Variants in TPRG1 observed in about 807,000 individuals in gnomAD.
TPRG1 encodes tumor protein p63-regulated gene 1 protein.
Under a neutral mutation model 29.3 loss-of-function variants are expected in TPRG1, and 29 were observed. That is an observed-to-expected ratio of 0.99 (90% confidence interval 0.74 to 1.35). TPRG1 has a LOEUF of 1.35. Ranked by LOEUF, TPRG1 falls within the 40% of genes most tolerant of loss-of-function variation. The pLI is 0.00. For synonymous variants in TPRG1, 130 were observed against 116.8 expected, an observed-to-expected ratio of 1.11 and a Z score of -0.73; for missense variants, 327 against 335.0, an observed-to-expected ratio of 0.98 and a Z score of 0.19.
At chr3:189,073,433 CT>C (rs1422061230) in intron 4 of TPRG1, among the ~76,000 whole-genome samples, 5 of 152,088 alleles carry the variant, frequency 3.3e-5, no homozygotes, top group Admixed American at 1.3e-4. Context: ...GTTTGTAGTT[CT>C]TTTTTTCGCC....
chr3:189,143,047 A>G (rs1409123300), intron 3 of TPRG1, among the ~76,000 whole-genome samples: 1 of 152,376 alleles, frequency 6.6e-6, no homozygotes, highest in Admixed American at 6.5e-5. Context: ...TCTTTGAACC[A>G]GTATCTTTTG....
intron 4 of TPRG1, among the ~76,000 whole-genome samples, chr3:189,035,828 T>C (rs1171911212): frequency 1.3e-5 from 2 of 152,150 alleles, no homozygotes; most frequent in African/African-American, 4.8e-5. Context: ...AGTGGGAATG[T>C]AAATTAGTGC....
At position 189,207,483 on chromosome 3, in the gene TPRG1, A is replaced by G. The variant is rs1734574998; in HGVS notation, c.99A>G (p.Glu33=). The change falls in exon 2 of 6, where the codon GAA becomes GAG. Residue 33 remains glutamate, a synonymous_variant. Transcript: ENST00000345063. ...AGACTGACCACCTATCGATGGAGGA[A>G]GAGGACCCGATGCCAAGACAGATTT... ...PSETDHLSME[E]EDPMPRQISR... 6.2e-7 allele frequency: 1 copy of G among 1,614,084 alleles called. No homozygotes were observed. Among genetic ancestry groups the G allele is most frequent in the Non-Finnish European group, 8.5e-7 (1 of 1,179,982 alleles).
At chr3:189,025,049 C>T (rs1713584805) in intron 4 of TPRG1, among the ~76,000 whole-genome samples, 2 of 152,136 alleles carry the variant, frequency 1.3e-5, no homozygotes. Flanking sequence ...GGATTCAGCC[C>T]CCTTCCTAGG....
At chr3:189,174,986 T>C (rs138999447) in intron 1 of TPRG1, among the ~76,000 whole-genome samples, 2 of 152,336 alleles carry the variant, frequency 1.3e-5, no homozygotes, top group African/African-American at 4.8e-5. Context: ...ATGTTTTCTC[T>C]TATTCACCCA....
rs115570828 is a variant in TPRG1 at position 189,304,614 on chromosome 3, T to A, written c.480-5772T>A. ...GAATGTAAACACATTCTGCAAATCT[T>A]ATTGTCTGACTCTGTGCCAGCGTCT... On this transcript the variant is annotated intron_variant, in intron 4 of 5. Coordinates refer to ENST00000345063, the MANE Select transcript of TPRG1 (RefSeq NM_198485.4). Among the ~76,000 whole-genome samples the A allele has an allele frequency of 6.1e-3, 922 of 152,218 alleles. 5 individuals are homozygous for A. The highest frequency in any genetic ancestry group is 0.011 in the Non-Finnish European group (747 of 67,990).
chr3:189,022,385 G>C (rs1713373349), intron 3 of TPRG1, among the ~76,000 whole-genome samples: 1 of 148,816 alleles, frequency 6.7e-6, no homozygotes, highest in Non-Finnish European at 1.5e-5. Flanking sequence ...GGTCTTTGAT[G>C]ATGGTGATGT....
rs148422108 is a variant in TPRG1 at position 189,065,007 on chromosome 3, G to A, written c.-463+41061G>A. Among the ~76,000 whole-genome samples the A allele has an allele frequency of 2.2e-3, 340 of 152,154 alleles. 2 individuals are homozygous for A. The highest frequency in any genetic ancestry group is 8.0e-3 in the African/African-American group (333 of 41,520). ...AGTTTGAGACCAGCTTGGACAACAA[G>A]GTGAGACTCCATCTCTACAAAAAGT... On this transcript the variant is annotated intron_variant, in intron 4 of 10. Transcript: ENST00000433971.
chr3:189,189,955 A>T (rs1200975484), intron 1 of TPRG1, among the ~76,000 whole-genome samples: 2 of 152,184 alleles, frequency 1.3e-5, no homozygotes, highest in Non-Finnish European at 2.9e-5. Context: ...GTAGAAATAG[A>T]TCTGATTATT....
rs531873217 is a variant in TPRG1 at position 189,104,970 on chromosome 3, G to A, written c.-744+4766G>A. ...ATACAGAACACTTTGGCACAAGCCA[G>A]GTACCTGGGTCCTTCTACTCTAATT... On this transcript the variant is annotated intron_variant, in intron 1 of 6. Transcript: ENST00000412373. Among the ~76,000 whole-genome samples the A allele has an allele frequency of 3.9e-5, 6 of 152,272 alleles. No individual in the cohort carries two copies. The East Asian group carries it at 1.2e-3, about 29-fold the overall frequency.
At chr3:189,121,850 C>T (rs1461255667) in intron 1 of TPRG1, 4 of 152,088 alleles carry the variant, frequency 2.6e-5, no homozygotes, top group East Asian at 1.9e-4. Flanking sequence ...AGAGCAGATT[C>T]AAGGAGTAAA....
At chr3:189,312,654 A>C (rs1157303674) in intron 5 of TPRG1, among the ~76,000 whole-genome samples, 1 of 152,192 alleles carries the variant, frequency 6.6e-6, no homozygotes, top group Non-Finnish European at 1.5e-5. Context: ...AACTGCAGAG[A>C]AATAACACTG....
At chr3:189,107,298 A>G (rs969039939) in intron 1 of TPRG1, among the ~76,000 whole-genome samples, 31 of 152,164 alleles carry the variant, frequency 2.0e-4, no homozygotes, top group African/African-American at 7.5e-4. Flanking sequence ...TATCTTGCTT[A>G]AAGGCAGAAA....
intron 5 of TPRG1, among the ~76,000 whole-genome samples, chr3:189,159,146 C>T (rs1727105878): frequency 6.6e-6 from 1 of 152,100 alleles, no homozygotes; most frequent in East Asian, 1.9e-4. Flanking sequence ...TTTGTTTTCA[C>T]AACTTTTGGT....
intron 1 of TPRG1, among the ~76,000 whole-genome samples, chr3:189,106,295 C>A (rs549290989): frequency 3.3e-5 from 5 of 152,220 alleles, no homozygotes; most frequent in African/African-American, 9.6e-5. Flanking sequence ...CCCCTTCCCC[C>A]ACCCTGGGAA....
At chr3:189,214,647 TA>T (rs1445818925) in intron 2 of TPRG1, among the ~76,000 whole-genome samples, 4 of 152,158 alleles carry the variant, frequency 2.6e-5, no homozygotes, top group South Asian at 2.1e-4. Flanking sequence ...TCCAGCTGAA[TA>T]AAAAACTCTG....
At chr3:189,316,816 G>A (rs1723609999) in intron 5 of TPRG1, among the ~76,000 whole-genome samples, 1 of 152,158 alleles carries the variant, frequency 6.6e-6, no homozygotes, top group African/African-American at 2.4e-5. Flanking sequence ...AAAAGTATGT[G>A]GCTGGTGGCA....
intron 1 of TPRG1, among the ~76,000 whole-genome samples, chr3:189,124,735 G>A (rs1722253216): frequency 6.6e-6 from 1 of 152,106 alleles, no homozygotes; most frequent in Non-Finnish European, 1.5e-5. Context: ...GCTAAAAATA[G>A]TAATCTTTAT....
At chr3:189,074,276 G>T (rs931238480) in intron 4 of TPRG1, among the ~76,000 whole-genome samples, 1 of 142,962 alleles carries the variant, frequency 7.0e-6, no homozygotes. Context: ...CGCGATCTGC[G>T]CTCATTGCAA....
Sources: gnomAD v4.1 joint callset for allele counts (sites outside exome capture counted in the v4.1 genomes callset) on GRCh38, gnomAD v4.1.1 for gene constraint, MANE v1.5 for transcripts, NCBI Gene and HGNC (gene_info 2026-07-23, HGNC 2026-07-21) for gene names.